Variants in FBXO40 observed in about 807,000 individuals in gnomAD.
FBXO40 encodes F-box protein 40, also known as F-box only protein 40.
FBXO40 carries 50 observed loss-of-function variants against 49.9 expected under a neutral mutation model. That is an observed-to-expected ratio of 1.00 (90% CI 0.80 to 1.27). The LOEUF (loss-of-function observed/expected upper bound fraction) is 1.27. Ranked by LOEUF, FBXO40 falls within the 50% of genes most tolerant of loss-of-function variation. FBXO40 has a pLI of 0.00. For missense variants in FBXO40, 895 were observed against 870.1 expected (o/e 1.03, Z -0.36); for synonymous variants, 340 against 320.2 (o/e 1.06, Z -0.66).
At chr3:121,595,906 A>G (rs1425787340) in intron 1 of FBXO40, among the ~76,000 whole-genome samples, 2 of 152,174 alleles carry the variant, frequency 1.3e-5, no homozygotes, top group Admixed American at 6.5e-5. Context: ...TCAGAAATAA[A>G]TCATTATTGC....
At chr3:121,601,437 T>C (rs2048900965) in intron 1 of FBXO40, among the ~76,000 whole-genome samples, 1 of 152,090 alleles carries the variant, frequency 6.6e-6, no homozygotes, top group Non-Finnish European at 1.5e-5. Flanking sequence ...TTGTTATCTC[T>C]TAAAGGGACA....
rs1328583816 is a variant in FBXO40 at position 121,621,812 on chromosome 3, C to T, written c.383C>T (p.Ala128Val). 4.3e-6 allele frequency: 7 copies of T among 1,614,174 alleles called. No individual in the cohort carries two copies. In the Admixed American group the frequency reaches 1.0e-4, roughly 23 times the overall value. The part of the protein sequence containing the change: ...ETPSEECLDT[A>V]LALQDQKVLF... The stretch of plus-strand genomic sequence containing the variant: ...CCCAGTGAGGAGTGTTTGGACACAG[C>T]CCTGGCCCTGCAGGATCAGAAGGTC... The change falls in exon 3 of 4, where the codon GCC becomes GTC. Residue 128 changes from alanine to valine, a missense_variant. Transcript: ENST00000338040.
intron 1 of FBXO40, among the ~76,000 whole-genome samples, chr3:121,619,018 C>T (rs938809083): frequency 6.7e-6 from 1 of 150,058 alleles, no homozygotes; most frequent in Non-Finnish European, 1.5e-5. Context: ...GTTTTTGAGA[C>T]AGGGTCTTAC....
intron 1 of FBXO40, among the ~76,000 whole-genome samples, chr3:121,611,601 G>T (rs185142618): frequency 1.3e-5 from 2 of 152,062 alleles, no homozygotes; most frequent in Non-Finnish European, 2.9e-5. Flanking sequence ...GTTCCCAGGG[G>T]CAGGCAGGAG....
chr3:121,626,794 G>A lies in FBXO40; in HGVS notation c.2014G>A (p.Val672Ile), dbSNP rs2049063475. The A allele has an allele frequency of 6.2e-7, 1 of 1,614,006 alleles. No individual in the cohort carries two copies. Residue 672 changes from valine (V) to isoleucine (I), a missense_variant, in exon 4 of 4, where the codon GTA becomes ATA. Physicochemically the swap from Val to Ile is conservative, Grantham distance 29. Coordinates refer to ENST00000338040, the MANE Select transcript of FBXO40 (RefSeq NM_016298.4). ...EHLKSCPFNI[V>I]EHKTDPILLT... ...CCTGAAGTCCTGTCCTTTCAACATT[G>A]TAGAGCACAAAACTGACCCGATTCT...
At chr3:121,620,500 C>A (rs568856673) in intron 1 of FBXO40, 46 bp from the exon 2 acceptor site, 3 of 1,566,862 alleles carry the variant, frequency 1.9e-6, no homozygotes, top group East Asian at 2.2e-5. Context: ...TATAGGTAAC[C>A]TAACTGTTTT....
intron 1 of FBXO40, among the ~76,000 whole-genome samples, chr3:121,620,332 CA>C (rs1469303006): frequency 6.6e-6 from 1 of 152,164 alleles, no homozygotes; most frequent in African/African-American, 2.4e-5. Context: ...GCCTGGATTA[CA>C]AAGCTGATTC....
intron 1 of FBXO40, among the ~76,000 whole-genome samples, chr3:121,614,630 C>T (rs954535048): frequency 5.9e-5 from 9 of 152,078 alleles, no homozygotes; most frequent in African/African-American, 2.2e-4. Context: ...GGGCCAAATC[C>T]GTTTTCCAAA....
Position 121,627,967 on chromosome 3 carries a change from C to T in FBXO40, c.*1057C>T. ...AGAGGAAGACATGTGAACATAACGGCTCCCTGAAATTGCTCCTACCCATCC... is the reference window on the plus strand; with the variant it reads ...AGAGGAAGACATGTGAACATAACGGTTCCCTGAAATTGCTCCTACCCATCC... On this transcript the variant is annotated 3_prime_UTR_variant, in exon 4 of 4. Transcript: ENST00000338040. 2.5e-6 allele frequency: 1 copy of T among 398,604 alleles called. No individual in the cohort carries two copies. The highest frequency in any genetic ancestry group is 4.4e-5 in the Admixed American group (1 of 22,740). 24.7% of individuals were successfully genotyped at this position (398,604 alleles called of 1,614,324 possible).
In FBXO40 at chr3:121,614,369, G is replaced by A. The variant is rs1435062026; in HGVS notation, c.-30-6177G>A. 2.0e-5 allele frequency among the ~76,000 whole-genome samples: 3 copies of A among 151,708 alleles called. No homozygotes were observed. In the East Asian group the frequency reaches 5.8e-4, roughly 29 times the overall value. ...AGGCAGGAGAATTGCTTGAACACAG[G>A]AGGCAGAGGTTGCAGTGAGCCGAAA... On this transcript the variant is annotated intron_variant, in intron 1 of 3. Coordinates refer to ENST00000338040, the MANE Select transcript of FBXO40 (RefSeq NM_016298.4).
In FBXO40 at chr3:121,623,194, G is replaced by T; in HGVS notation, c.1765G>T (p.Asp589Tyr). Residue 589 changes from aspartate (D) to tyrosine (Y), a missense_variant, in exon 3 of 4, where the codon GAC becomes TAC. Coordinates refer to ENST00000338040, the MANE Select transcript of FBXO40 (RefSeq NM_016298.4). ...EILKYIAGFL[D>Y]SVSLAQLSQV... ...TTTGAAGTACATTGCTGGGTTCTTG[G>T]ACAGCGTCAGCCTGGCCCAGCTCTC... 3.1e-6 allele frequency: 5 copies of T among 1,614,174 alleles called. No homozygotes were observed. The highest frequency in any genetic ancestry group is 4.2e-6 in the Non-Finnish European group (5 of 1,180,038).
At chr3:121,607,791 A>G (rs961286597) in intron 1 of FBXO40, among the ~76,000 whole-genome samples, 5 of 152,174 alleles carry the variant, frequency 3.3e-5, no homozygotes, top group African/African-American at 7.2e-5. Flanking sequence ...GGTGGGGGCA[A>G]TGGCTGGCTG....
At chr3:121,599,360 C>T (rs1378691050) in intron 1 of FBXO40, among the ~76,000 whole-genome samples, 1 of 150,696 alleles carries the variant, frequency 6.6e-6, no homozygotes, top group Non-Finnish European at 1.5e-5. Flanking sequence ...CCCAGCTACT[C>T]AGGAGGCTGA....
intron 3 of FBXO40, among the ~76,000 whole-genome samples, chr3:121,623,688 CTTTT>C (rs11455375): frequency 7.8e-6 from 1 of 128,948 alleles, no homozygotes. Flanking sequence ...TTTTAAAGGC[CTTTT>C]TTTTTTTTTT....
chr3:121,609,322 T>C (rs749991309), intron 1 of FBXO40, among the ~76,000 whole-genome samples: 1 of 151,900 alleles, frequency 6.6e-6, no homozygotes, highest in Non-Finnish European at 1.5e-5. Flanking sequence ...TATCCAGTAG[T>C]TCCTAGGAAA....
At chr3:121,614,451 A>T (rs576378305) in intron 1 of FBXO40, among the ~76,000 whole-genome samples, 1 of 151,926 alleles carries the variant, frequency 6.6e-6, no homozygotes, top group Admixed American at 6.5e-5. Flanking sequence ...CAAAAAAAAA[A>T]AGAAAAAGAA....
rs767131081 is a variant in FBXO40, at chr3:121,621,889, A to G, written c.460A>G (p.Thr154Ala). The G allele has an allele frequency of 6.2e-7, 1 of 1,614,214 alleles. No homozygotes were observed. The highest frequency in any genetic ancestry group is 1.7e-5 in the Admixed American group (1 of 60,022). The change falls in exon 3 of 4, where the codon ACT (threonine) becomes GCT (alanine). Residue 154 changes from threonine (T) to alanine (A), a missense_variant. Transcript: ENST00000338040. ...VELFPETREA[T>A]EEEPTMNGET... ...ACTTTTCCCAGAAACTAGAGAGGCT[A>G]CTGAGGAGGAACCAACTATGAATGG...
At chr3:121,609,414 G>A (rs1265732355) in intron 1 of FBXO40, among the ~76,000 whole-genome samples, 1 of 150,368 alleles carries the variant, frequency 6.7e-6, no homozygotes. Context: ...CTAGATAATT[G>A]TGCCCTTTTG....
rs1473449260 is a variant in FBXO40, at chr3:121,627,270, G to T, written c.*360G>T. ...GCACGAAATTCCATAACCAGTACAG[G>T]CCTGTGCTTTTACATGGGCTTTTTA... is the stretch of plus-strand genomic sequence containing the variant. On this transcript the variant is annotated 3_prime_UTR_variant, in exon 4 of 4. Transcript: ENST00000338040. The T allele has an allele frequency of 4.6e-6, 1 of 217,944 alleles. No homozygotes were observed. The highest frequency in any genetic ancestry group is 2.3e-5 in the African/African-American group (1 of 43,180). 13.5% of individuals were successfully genotyped at this position (217,944 alleles called of 1,614,324 possible).
Sources: gnomAD v4.1 joint callset for allele counts (sites outside exome capture counted in the v4.1 genomes callset) on GRCh38, gnomAD v4.1.1 for gene constraint, MANE v1.5 for transcripts, NCBI Gene and HGNC (gene_info 2026-07-23, HGNC 2026-07-21) for gene names.